Variants in PLD3 observed in about 807,000 individuals in gnomAD.
The protein encoded by PLD3 is phospholipase D family member 3.
In PLD3, 31 loss-of-function variants were observed where a neutral mutation model predicts 58.4. The observed-to-expected ratio is 0.53, with a 90% CI of 0.40 to 0.72. PLD3 has a LOEUF of 0.72. Ranked by LOEUF, PLD3 falls within the 30% of genes least tolerant of loss-of-function variation. PLD3 has a pLI of 0.00. For synonymous variants in PLD3, 264 were observed against 273.4 expected, an observed-to-expected ratio of 0.97 and a Z score of 0.34; for missense variants, 595 against 659.8, an observed-to-expected ratio of 0.90 and a Z score of 1.08.
intron 10 of PLD3, chr19:40,376,397 T>G: frequency 3.9e-6 from 2 of 513,182 alleles, no homozygotes; most frequent in South Asian, 3.0e-5. Context: ...CAACACTGGG[T>G]TTTGGGGAGC....
At chr19:40,376,858 A>C (rs1333863629) in intron 11 of PLD3, 84 bp downstream of exon 11, 1 of 1,320,064 alleles carries the variant, frequency 7.6e-7, no homozygotes, top group African/African-American at 1.5e-5. Context: ...TCTGTCAATG[A>C]CAAGGGCAGC....
intron 1 of PLD3, among the ~76,000 whole-genome samples, chr19:40,354,523 A>G (rs2078603817): frequency 1.3e-5 from 2 of 150,654 alleles, no homozygotes; most frequent in Admixed American, 1.3e-4. Context: ...CAGCCATGTT[A>G]TTATTATTAT....
intron 1 of PLD3, chr19:40,359,066 T>C (rs965551319): frequency 1.3e-5 from 2 of 152,452 alleles, no homozygotes; most frequent in African/African-American, 2.4e-5. Context: ...GTTTTTTGTT[T>C]TGAGACAGAG....
At chr19:40,354,726 A>T (rs567112274) in intron 1 of PLD3, among the ~76,000 whole-genome samples, 6 of 151,338 alleles carry the variant, frequency 4.0e-5, no homozygotes, top group Non-Finnish European at 8.8e-5. Context: ...GGGTTTCGCC[A>T]TGTAGGCCAG....
At chr19:40,373,296 G>C (rs1028490313) in intron 9 of PLD3, among the ~76,000 whole-genome samples, 1 of 152,146 alleles carries the variant, frequency 6.6e-6, no homozygotes, top group African/African-American at 2.4e-5. Flanking sequence ...AAGATGGGGG[G>C]CCAGGCACAG....
intron 1 of PLD3, among the ~76,000 whole-genome samples, chr19:40,352,619 G>A (rs773977815): frequency 3.3e-5 from 5 of 152,102 alleles, no homozygotes; most frequent in African/African-American, 1.2e-4. Flanking sequence ...GAGGACTGTT[G>A]TGAAAATTAA....
intron 1 of PLD3, among the ~76,000 whole-genome samples, chr19:40,364,715 G>C (rs965743677): frequency 2.6e-5 from 4 of 151,210 alleles, no homozygotes; most frequent in African/African-American, 9.8e-5. Context: ...CGAATTGCTC[G>C]AACCAGGGAG....
intron 1 of PLD3, among the ~76,000 whole-genome samples, chr19:40,365,070 C>A (rs908826652): frequency 6.6e-6 from 1 of 152,238 alleles, no homozygotes; most frequent in African/African-American, 2.4e-5. Context: ...TTGCTTCTCT[C>A]AGTAATACTC....
rs1034326549 is a variant in PLD3, at chr19:40,353,001, G to T, written c.-279+4233G>T. Among the ~76,000 whole-genome samples, 82 of 152,152 alleles carry T rather than the reference G, an allele frequency of 5.4e-4. 1 individual carries two copies. The highest frequency in any genetic ancestry group is 1.7e-4 in the African/African-American group (7 of 41,432). On this transcript the variant is annotated intron_variant, in intron 1 of 12. Coordinates refer to ENST00000409735, the MANE Select transcript of PLD3 (RefSeq NM_012268.4). ...AAAAATGAATGCAAGAAGCCCCATT[G>T]TCTCACTCCACACCCTGCACTTTTG...
chr19:40,358,839 C>T (rs1600274748), intron 1 of PLD3: 1 of 152,334 alleles, frequency 6.6e-6, no homozygotes, highest in East Asian at 1.9e-4. Context: ...GAGGAGGAAT[C>T]AAATCTCCCA....
chr19:40,374,802 AAGAG>A (rs541249983), intron 10 of PLD3, 182 bp downstream of exon 10: 25 of 622,642 alleles, frequency 4.0e-5, no homozygotes, highest in Non-Finnish European at 6.7e-5. Flanking sequence ...AGACAGGAGA[AAGAG>A]AGATTACAGA....
intron 1 of PLD3, among the ~76,000 whole-genome samples, chr19:40,361,339 A>C (rs999687429): frequency 1.3e-5 from 2 of 151,902 alleles, no homozygotes; most frequent in Non-Finnish European, 2.9e-5. Flanking sequence ...TCGAACTCCC[A>C]ACCTCAGGTG....
chr19:40,376,418 G>A lies in PLD3; in HGVS notation c.1020-191G>A, dbSNP rs571342683. 1.3e-5 allele frequency: 7 copies of A among 555,008 alleles called. No individual in the cohort carries two copies. The Admixed American group carries it at 1.3e-4, about 10-fold the overall frequency. 34.4% of individuals were successfully genotyped at this position (555,008 alleles called of 1,614,324 possible). A position where few individuals can be genotyped will look rare whatever the true frequency, so the allele number is the denominator to read the frequency against. On this transcript the variant is annotated intron_variant, in intron 10 of 12. Coordinates refer to ENST00000409735, the MANE Select transcript of PLD3 (RefSeq NM_012268.4). ...TGGGTTTTGGGGAGCAGGAATGGGA[G>A]CCACAGCCAGGAAGAGGAAATAGGG...
At chr19:40,354,588 C>A (rs2078605286) in intron 1 of PLD3, among the ~76,000 whole-genome samples, 1 of 151,852 alleles carries the variant, frequency 6.6e-6, no homozygotes, top group South Asian at 2.1e-4. Context: ...TGCAGTGGTG[C>A]AAGCTCAGTT....
At position 40,353,827 on chromosome 19, in the gene PLD3, C is replaced by T. The variant is rs35513409; in HGVS notation, c.-279+5059C>T. On this transcript the variant is annotated intron_variant, in intron 1 of 12. Coordinates refer to ENST00000409735, the MANE Select transcript of PLD3 (RefSeq NM_012268.4). Reference sequence around the variant, plus strand: ...TCTCCTGACCTCATGATCCGCCCGCCTTGGCCTCCCAAAGTGCTGGGATTA... The same window carrying T: ...TCTCCTGACCTCATGATCCGCCCGCTTTGGCCTCCCAAAGTGCTGGGATTA... Among the ~76,000 whole-genome samples the T allele has an allele frequency of 6.6e-3, 1,012 of 152,240 alleles. 12 individuals are homozygous for T. Among genetic ancestry groups the T allele is most frequent in the Non-Finnish European group, 9.7e-3 (657 of 68,028 alleles).
chr19:40,352,124 T>C (rs2078533089), intron 1 of PLD3, among the ~76,000 whole-genome samples: 1 of 151,940 alleles, frequency 6.6e-6, no homozygotes, highest in Non-Finnish European at 1.5e-5. Context: ...TTATATAAAA[T>C]TAGCTGGGCG....
At chr19:40,357,113 T>C (rs1264550823) in intron 1 of PLD3, 1 of 152,178 alleles carries the variant, frequency 6.6e-6, no homozygotes, top group Non-Finnish European at 1.5e-5. Context: ...CTGTAGACAA[T>C]TGATGGTTCA....
intron 1 of PLD3, among the ~76,000 whole-genome samples, chr19:40,353,735 C>T (rs188634672): frequency 2.6e-5 from 4 of 151,714 alleles, no homozygotes; most frequent in East Asian, 2.0e-4. Flanking sequence ...CCCGCCACCA[C>T]GCCTGGCTAA....
Position 40,371,801 on chromosome 19 carries a change from T to A in PLD3, c.807T>A (p.Tyr269Ter). ...TCCCATCAACTTGGCCCCGGTTCTATGACACCCGCTACAACCAAGAGACAC... is the reference window on the plus strand; with the variant it reads ...TCCCATCAACTTGGCCCCGGTTCTAAGACACCCGCTACAACCAAGAGACAC... Reference protein sequence around the residue: ...SSIPSTWPRFYDTRYNQETPM... With the variant: ...SSIPSTWPRF Residue 269 changes from tyrosine (Y) to a stop codon, truncating the protein, a stop_gained, in exon 9 of 13, where the codon TAT (tyrosine) becomes TAA (stop). Coordinates refer to ENST00000409735, the MANE Select transcript of PLD3 (RefSeq NM_012268.4). LOFTEE classifies it high-confidence loss of function. 1 of 1,614,144 alleles carries A rather than the reference T, an allele frequency of 6.2e-7. No homozygotes were observed. The highest frequency in any genetic ancestry group is 8.5e-7 in the Non-Finnish European group (1 of 1,180,026).
Sources: gnomAD v4.1 joint callset for allele counts (sites outside exome capture counted in the v4.1 genomes callset) on GRCh38, gnomAD v4.1.1 for gene constraint, MANE v1.5 for transcripts, NCBI Gene and HGNC (gene_info 2026-07-23, HGNC 2026-07-21) for gene names.